VEZT: variants seen among roughly 807,000 people sequenced by gnomAD.
The protein encoded by VEZT is vezatin, adherens junctions transmembrane protein.
A neutral mutation model predicts 79.9 loss-of-function variants in VEZT; 39 were observed. The ratio of observed to expected loss-of-function variants is 0.49; its 90% confidence interval spans 0.38 to 0.64. VEZT has a LOEUF of 0.64. VEZT is among the 30% of genes least tolerant of loss of function. The pLI is 0.00. For synonymous variants in VEZT, 325 were observed against 327.6 expected (o/e 0.99, Z 0.09); for missense variants, 837 against 893.1 (o/e 0.94, Z 0.80).
intron 1 of VEZT, chr12:95,218,094 C>A: frequency 2.5e-6 from 1 of 405,910 alleles, no homozygotes; most frequent in Non-Finnish European, 4.4e-6. Flanking sequence ...CGGCCTCTAT[C>A]TCGGGCCCGC....
chr12:95,286,406 C>G (rs2070886216), intron 8 of VEZT: 4 of 513,382 alleles, frequency 7.8e-6, no homozygotes, highest in Non-Finnish European at 1.5e-5. Flanking sequence ...AGCACCAAGT[C>G]TGCCTCATCT....
intron 1 of VEZT, chr12:95,244,149 G>A (rs2061421756): frequency 2.8e-6 from 1 of 351,134 alleles, no homozygotes; most frequent in African/African-American, 2.2e-5. Flanking sequence ...TAATCCCAGT[G>A]CTTTGGGCCG....
At chr12:95,225,556 CAAACAAAACAAAACA>C (rs543072496) in intron 1 of VEZT, among the ~76,000 whole-genome samples, 24 of 151,632 alleles carry the variant, frequency 1.6e-4, no homozygotes, top group South Asian at 4.2e-4. Context: ...GACTCTGTCT[CAAACAAAACAAAACA>C]AAACAAAACA....
chr12:95,272,897 A>G (rs1388423415), intron 6 of VEZT, among the ~76,000 whole-genome samples: 4 of 152,164 alleles, frequency 2.6e-5, no homozygotes, highest in African/African-American at 9.7e-5. Flanking sequence ...CAAGGCACAC[A>G]GTACCACACC....
intron 10 of VEZT, among the ~76,000 whole-genome samples, chr12:95,294,642 T>A (rs2073749597): frequency 6.6e-6 from 1 of 152,218 alleles, no homozygotes; most frequent in Non-Finnish European, 1.5e-5. Flanking sequence ...TTTATCTTGA[T>A]CTGAGTAGCA....
intron 1 of VEZT, chr12:95,243,896 G>A (rs1466233868): frequency 2.2e-6 from 1 of 454,066 alleles, no homozygotes; most frequent in South Asian, 1.6e-5. Context: ...TGGCCCCTTT[G>A]CACATACCCA....
intron 1 of VEZT, among the ~76,000 whole-genome samples, chr12:95,250,833 C>T (rs1292277317): frequency 6.7e-6 from 1 of 150,308 alleles, no homozygotes; most frequent in African/African-American, 2.5e-5. Flanking sequence ...GGAGTGCTTA[C>T]TATGTGGCAA....
intron 1 of VEZT, among the ~76,000 whole-genome samples, chr12:95,240,014 GAGAAAGAAAGGAAGGA>G (rs2137264316): frequency 8.5e-6 from 1 of 117,280 alleles, no homozygotes; most frequent in East Asian, 2.5e-4. Flanking sequence ...GAGAGAAAGA[GAGAAAGAAAGGAAGGA>G]AGGAAGGAAG....
At chr12:95,248,402 A>G (rs1438944678) in intron 1 of VEZT, among the ~76,000 whole-genome samples, 1 of 152,200 alleles carries the variant, frequency 6.6e-6, no homozygotes, top group Non-Finnish European at 1.5e-5. Flanking sequence ...ATGTGTATAT[A>G]TGCCCTCAGC....
chr12:95,235,701 T>C (rs2060022058), intron 1 of VEZT, among the ~76,000 whole-genome samples: 1 of 149,056 alleles, frequency 6.7e-6, no homozygotes, highest in Non-Finnish European at 1.5e-5. Flanking sequence ...ACGGGGCGGC[T>C]GGCCGGGCGG....
intron 11 of VEZT, among the ~76,000 whole-genome samples, chr12:95,297,785 T>C (rs949163996): frequency 1.3e-5 from 2 of 152,200 alleles, no homozygotes; most frequent in Non-Finnish European, 2.9e-5. Context: ...GTTTATCGAA[T>C]TAAACTACAG....
At position 95,273,841 on chromosome 12, in the gene VEZT, A is replaced by G. The variant is rs2067114359; in HGVS notation, c.849-901A>G. ...TATTGGATTGTATCAAAAGATTATT[A>G]TAATATGACCAAATAGGAATATGCT... On this transcript the variant is annotated intron_variant, in intron 6 of 11. Transcript: ENST00000436874. Among the ~76,000 whole-genome samples the G allele has an allele frequency of 4.6e-5, 7 of 152,224 alleles. No homozygotes were observed. The South Asian group carries it at 1.4e-3, about 32-fold the overall frequency.
intron 11 of VEZT, 48 bp from the exon 12 acceptor site, chr12:95,300,117 C>T (rs1263980862): frequency 9.0e-7 from 1 of 1,106,776 alleles, no homozygotes; most frequent in Non-Finnish European, 1.2e-6. Flanking sequence ...TAAATCATTG[C>T]TAGGTCCTTA....
intron 11 of VEZT, chr12:95,299,747 A>C (rs2074932766): frequency 6.5e-6 from 1 of 153,240 alleles, no homozygotes; most frequent in African/African-American, 2.4e-5. Context: ...TGTGTATCAG[A>C]ATCAAGATGA....
chr12:95,222,463 A>G (rs1184687767), intron 1 of VEZT, among the ~76,000 whole-genome samples: 3 of 152,118 alleles, frequency 2.0e-5, no homozygotes, highest in African/African-American at 7.2e-5. Context: ...TTTTATGTGT[A>G]GATCTCTTTC....
chr12:95,252,283 G>A (rs957824795), intron 2 of VEZT: 7 of 407,582 alleles, frequency 1.7e-5, no homozygotes, highest in African/African-American at 1.4e-4. Context: ...AAATAATTTG[G>A]TAGAGAATTA....
At position 95,300,129 on chromosome 12, in the gene VEZT, T is replaced by C. The variant is rs2075004183; in HGVS notation, c.1832-36T>C. ...GTTTAAATCATTGCTAGGTCCTTAG[T>C]TATTTTTTTTCTTTTTTCTTTTTTT... On this transcript the variant is annotated intron_variant, in intron 11 of 11. Transcript: ENST00000436874. 3 of 1,283,880 alleles carry C rather than the reference T, an allele frequency of 2.3e-6. No homozygotes were observed. In the East Asian group the frequency reaches 8.0e-5, roughly 34 times the overall value. 79.5% of individuals were successfully genotyped at this position (1,283,880 alleles called of 1,614,324 possible). A position where few individuals can be genotyped will look rare whatever the true frequency, so the allele number is the denominator to read the frequency against.
chr12:95,246,207 C>T (rs2061694651), intron 1 of VEZT, among the ~76,000 whole-genome samples: 1 of 151,992 alleles, frequency 6.6e-6, no homozygotes, highest in South Asian at 2.1e-4. Flanking sequence ...ACTGCGACCT[C>T]CACCTCCTGG....
intron 1 of VEZT, chr12:95,218,427 A>G (rs946300927): frequency 6.6e-6 from 1 of 152,152 alleles, no homozygotes; most frequent in African/African-American, 2.4e-5. Context: ...CAGCATCTAG[A>G]TTCGATTCTT....
Sources: allele counts gnomAD v4.1 joint callset (sites outside exome capture counted in the v4.1 genomes callset), GRCh38; gene constraint gnomAD v4.1.1; transcripts MANE v1.5; gene names NCBI Gene and HGNC (gene_info 2026-07-23, HGNC 2026-07-21).